GREP1: variants seen among roughly 807,000 people sequenced by gnomAD.
GREP1 encodes glycine-rich extracellular protein 1.
rs1490429819 is a variant in GREP1 at position 2,992,618 on chromosome 16, G to A, written c.323-187G>A. On this transcript the variant is annotated intron_variant, in intron 8 of 34. Coordinates refer to ENST00000573315, the Ensembl canonical transcript of GREP1. The surrounding 1 kb of genome is among the most constrained non-coding windows in gnomAD (Gnocchi z 4.9). Reference sequence around the variant, plus strand: ...ACCCAAGCTGGTCAAGGGTGGCCACGGTCTGGACTCCCGGGCCAAGAACCA... The same window carrying A: ...ACCCAAGCTGGTCAAGGGTGGCCACAGTCTGGACTCCCGGGCCAAGAACCA... The A allele has an allele frequency of 1.5e-5, 6 of 391,638 alleles. No individual in the cohort carries two copies. The highest frequency in any genetic ancestry group is 2.3e-5 in the Non-Finnish European group (5 of 222,194). The allele number at this position is 391,638 out of a possible 1,614,324, so 24.3% of individuals were successfully genotyped here.
chr16:2,990,901 C>G, intron 7 of GREP1, 147 bp from the exon 7 acceptor site: 1 of 398,242 alleles, frequency 2.5e-6, no homozygotes, highest in Non-Finnish European at 4.4e-6. Context: ...ATCTCTCTTC[C>G]CAGGCTTTGG....
At chr16:2,995,582 A>C (rs1236881024) in intron 15 of GREP1, 37 bp from the exon 16 acceptor site, 4 of 398,406 alleles carry the variant, frequency 1.0e-5, no homozygotes, top group Non-Finnish European at 1.8e-5. Context: ...ACCTCAACCA[A>C]ACCCCAAATC....
In GREP1 at chr16:2,989,935, C is replaced by T. The variant is rs373111507; in HGVS notation, c.131-39C>T. 4.8e-4 allele frequency: 192 copies of T among 398,920 alleles called. 1 individual carries two copies. In the South Asian group the frequency reaches 8.2e-3, roughly 17 times the overall value. 24.7% of individuals were successfully genotyped at this position (398,920 alleles called of 1,614,324 possible). ...GCCAGGTGTGGGGCTCTGGGGAGAT[C>T]CTGGGGGAGGGGTGTCCCTCACCTC... On this transcript the variant is annotated intron_variant, in intron 3 of 34. Transcript: ENST00000573315. The surrounding 1 kb of genome is among the most constrained non-coding windows in gnomAD (Gnocchi z 4.2).
chr16:2,998,606 G>A, intron 25 of GREP1, 83 bp downstream of exon 23: 1 of 398,650 alleles, frequency 2.5e-6, no homozygotes, highest in Non-Finnish European at 4.4e-6. Context: ...TCCATCAGGA[G>A]CCCCATCCCT....
chr16:2,992,467 G>C lies in GREP1; in HGVS notation c.323-338G>C, dbSNP rs1026127470. On this transcript the variant is annotated intron_variant, in intron 8 of 34. Transcript: ENST00000573315. This position sits in a 1 kb window ranked among gnomAD's most constrained non-coding sequence, Gnocchi z 4.9. ...GGGGCCGAAGGGGCTGGGGTGGCTGGGGGAGAGGTCAGGGGCCCAGGGCCA... is the reference window on the plus strand; with the variant it reads ...GGGGCCGAAGGGGCTGGGGTGGCTGCGGGAGAGGTCAGGGGCCCAGGGCCA... 28 of 201,980 alleles carry C rather than the reference G, an allele frequency of 1.4e-4. No homozygotes were observed. Among genetic ancestry groups the C allele is most frequent in the Non-Finnish European group, 2.2e-4 (22 of 101,304 alleles). 12.5% of individuals were successfully genotyped at this position (201,980 alleles called of 1,614,324 possible).
intron 17 of GREP1, 38 bp downstream of exon 17, chr16:2,995,809 G>A (rs550519499): frequency 1.0e-4 from 41 of 398,472 alleles, no homozygotes; most frequent in African/African-American, 3.5e-4. Flanking sequence ...CTCTATGCAC[G>A]AACCCCTGAA....
At chr16:3,000,513 C>T (rs1468214779) in intron 31 of GREP1, 5 of 399,224 alleles carry the variant, frequency 1.3e-5, no homozygotes, top group South Asian at 2.5e-4. Context: ...GGGGAGACAA[C>T]AGCCCAGGGG....
Position 3,000,122 on chromosome 16 carries a change from A to G in GREP1, c.1264+4A>G. ...GGCCTCGAGCCACAGAAAATTGGTGAGTCCTCCTGGGCCCCCGACCCATGT... is the reference window on the plus strand; with the variant it reads ...GGCCTCGAGCCACAGAAAATTGGTGGGTCCTCCTGGGCCCCCGACCCATGT... On this transcript the variant is annotated splice_donor_region_variant and intron_variant, in intron 29 of 34. Coordinates refer to ENST00000573315, the Ensembl canonical transcript of GREP1. The G allele has an allele frequency of 2.5e-6, 1 of 399,086 alleles. No homozygotes were observed. The highest frequency in any genetic ancestry group is 6.3e-4 in the Middle Eastern group (1 of 1,588). 24.7% of individuals were successfully genotyped at this position (399,086 alleles called of 1,614,324 possible).
intron 23 of GREP1, 57 bp downstream of exon 21, chr16:2,997,892 C>T (rs148583549): frequency 2.5e-6 from 1 of 398,634 alleles, no homozygotes; most frequent in Non-Finnish European, 4.4e-6. Context: ...ACCCCTCCAC[C>T]CTTTTCCCCT....
chr16:3,001,391 CT>C (rs1402019295), intron 34 of GREP1, 57 bp downstream of exon 28: 4 of 399,022 alleles, frequency 1.0e-5, no homozygotes, highest in African/African-American at 8.2e-5. Flanking sequence ...GTGGTCACCC[CT>C]CCAGCCATAC....
Position 2,995,781 on chromosome 16 carries a change from G to A in GREP1, c.622+10G>A, listed in dbSNP as rs921806881. On this transcript the variant is annotated intron_variant, in intron 17 of 34. Transcript: ENST00000573315. ...AAGCCTCTGAAGCCAGGTGAGCCCC[G>A]CCCGCCCTGGTCTGCCTCTCTATGC... The A allele has an allele frequency of 2.8e-5, 11 of 398,454 alleles. No individual in the cohort carries two copies. Among genetic ancestry groups the A allele is most frequent in the Middle Eastern group, 6.2e-4 (1 of 1,614 alleles). The allele number at this position is 398,454 out of a possible 1,614,324, so 24.7% of individuals were successfully genotyped here. A position where few individuals can be genotyped will look rare whatever the true frequency, so the allele number is the denominator to read the frequency against.
intron 13 of GREP1, 73 bp from the exon 15 acceptor site, chr16:2,995,211 A>T (rs1051876585): frequency 2.0e-5 from 8 of 398,146 alleles, no homozygotes; most frequent in African/African-American, 1.6e-4. Flanking sequence ...GCTGGGGTCC[A>T]GATGCTGGGG....
chr16:2,999,015 G>A, intron 26 of GREP1, 36 bp downstream of exon 24: 1 of 399,146 alleles, frequency 2.5e-6, no homozygotes, highest in Non-Finnish European at 4.4e-6. Flanking sequence ...GGGGCACTGG[G>A]AAGCACCTGG....
At chr16:3,000,061 T>G (rs1283980337) in intron 28 of GREP1, 25 bp from the exon 26 acceptor site, 1 of 398,898 alleles carries the variant, frequency 2.5e-6, no homozygotes, top group Non-Finnish European at 4.4e-6. Flanking sequence ...CCCCCATCTC[T>G]GAGTCACAGT....
exon 1 of GREP1, chr16:2,988,327 C>T (rs2072381355): frequency 1.0e-5 from 4 of 399,342 alleles, no homozygotes; most frequent in Non-Finnish European, 1.8e-5. Context: ...GCCTGACTTC[C>T]GAGAGCCTGC....
intron 26 of GREP1, 46 bp downstream of exon 24, chr16:2,999,025 G>C (rs1421081787): frequency 2.5e-6 from 1 of 399,116 alleles, no homozygotes; most frequent in African/African-American, 2.1e-5. Flanking sequence ...GAAGCACCTG[G>C]CCCTATGAGG....
At chr16:2,995,216 C>T (rs2072418430) in intron 13 of GREP1, 68 bp from the exon 15 acceptor site, 2 of 398,326 alleles carry the variant, frequency 5.0e-6, no homozygotes, top group Admixed American at 8.8e-5. Flanking sequence ...GGTCCAGATG[C>T]TGGGGTTCTG....
rs1252046145 is a variant in GREP1, at chr16:2,989,888, C to T, written c.131-86C>T. The T allele has an allele frequency of 2.5e-5, 10 of 398,940 alleles. No homozygotes were observed. The highest frequency in any genetic ancestry group is 1.3e-3 in the Middle Eastern group (2 of 1,592). 24.7% of individuals were successfully genotyped at this position (398,940 alleles called of 1,614,324 possible). Reference sequence around the variant, plus strand: ...GGGAAGGGACTGAGTTCCCACAGGCCCACTGCTTGGATAGGCTGTGGGCCA... The same window carrying T: ...GGGAAGGGACTGAGTTCCCACAGGCTCACTGCTTGGATAGGCTGTGGGCCA... On this transcript the variant is annotated intron_variant, in intron 3 of 34. Coordinates refer to ENST00000573315, the Ensembl canonical transcript of GREP1. The surrounding 1 kb of genome is among the most constrained non-coding windows in gnomAD (Gnocchi z 4.2).
intron 18 of GREP1, among the ~76,000 whole-genome samples, chr16:2,996,192 C>G (rs1018209203): frequency 4.6e-5 from 7 of 152,196 alleles, no homozygotes; most frequent in Non-Finnish European, 7.3e-5. Flanking sequence ...CTTGGCTTCC[C>G]AAAGTGCTGG....
Sources: allele counts gnomAD v4.1 joint callset (sites outside exome capture counted in the v4.1 genomes callset), GRCh38; gene constraint gnomAD v4.1.1; non-coding constraint Gnocchi (gnomAD v3.1); transcripts MANE v1.5; gene names NCBI Gene and HGNC (gene_info 2026-07-23, HGNC 2026-07-21).